Variants in ACER3 observed in about 807,000 individuals in gnomAD.
ACER3 encodes alkCDase 3.
ACER3 carries 16 observed loss-of-function variants against 48.9 expected under a neutral mutation model. That is an observed-to-expected ratio of 0.33 (90% CI 0.22 to 0.50). ACER3 has a LOEUF of 0.50. ACER3 is among the 20% of genes least tolerant of loss of function. The pLI is 0.98. For synonymous variants in ACER3, 109 were observed against 107.8 expected, an observed-to-expected ratio of 1.01 and a Z score of -0.07; for missense variants, 227 against 326.0, an observed-to-expected ratio of 0.70 and a Z score of 2.34.
At chr11:76,899,007 A>G (rs1356392436) in intron 1 of ACER3, among the ~76,000 whole-genome samples, 4 of 152,010 alleles carry the variant, frequency 2.6e-5, no homozygotes, top group East Asian at 1.9e-4. Flanking sequence ...TTTTTCAACA[A>G]CTAGATCTGA....
At chr11:76,916,594 G>A (rs980709953) in intron 1 of ACER3, among the ~76,000 whole-genome samples, 12 of 152,196 alleles carry the variant, frequency 7.9e-5, no homozygotes, top group African/African-American at 2.4e-4. Context: ...TTCACCAAAT[G>A]TAGGTAGGAT....
intron 2 of ACER3, among the ~76,000 whole-genome samples, chr11:76,933,173 CATATAT>C (rs144524712): frequency 3.1e-5 from 4 of 129,598 alleles, no homozygotes; most frequent in African/African-American, 1.1e-4. Flanking sequence ...ATACGTATTT[CATATAT>C]ATATATATAT....
chr11:76,911,706 A>G (rs1368986027), intron 1 of ACER3, among the ~76,000 whole-genome samples: 1 of 152,160 alleles, frequency 6.6e-6, no homozygotes, highest in Non-Finnish European at 1.5e-5. Context: ...GCTTTCTCTC[A>G]TTCCTTATAT....
rs375062669 is a variant in ACER3, at chr11:76,926,511, G to A, written c.104-46G>A. 1.6e-4 allele frequency: 176 copies of A among 1,124,276 alleles called. 1 individual carries two copies. The African/African-American group carries it at 2.4e-3, about 15-fold the overall frequency. 69.6% of individuals were successfully genotyped at this position (1,124,276 alleles called of 1,614,324 possible). A position where few individuals can be genotyped will look rare whatever the true frequency, so the allele number is the denominator to read the frequency against. ...CTACGTGAATGTATCTTTATTTAAA[G>A]TGTTATTGATTAACCTAAATGTCTT... On this transcript the variant is annotated intron_variant, in intron 1 of 10. Transcript: ENST00000532485.
intron 7 of ACER3, among the ~76,000 whole-genome samples, chr11:77,003,628 G>A (rs1949077963): frequency 6.6e-6 from 1 of 151,960 alleles, no homozygotes; most frequent in Non-Finnish European, 1.5e-5. Flanking sequence ...AGGTTCTTGA[G>A]ATGGAAGCTT....
chr11:76,980,678 C>CA (rs1311383782), intron 4 of ACER3, among the ~76,000 whole-genome samples: 32 of 144,076 alleles, frequency 2.2e-4, no homozygotes, highest in Non-Finnish European at 3.2e-4. Context: ...GACCCTGTCT[C>CA]AAAAAAAAAA....
intron 6 of ACER3, among the ~76,000 whole-genome samples, chr11:76,997,992 G>A (rs1043578030): frequency 5.9e-5 from 9 of 152,164 alleles, no homozygotes; most frequent in Non-Finnish European, 1.3e-4. Context: ...TACAAGTCAG[G>A]AGAGTGGTTT....
chr11:76,900,837 T>G (rs940315093), intron 1 of ACER3, among the ~76,000 whole-genome samples: 1 of 152,314 alleles, frequency 6.6e-6, no homozygotes, highest in African/African-American at 2.4e-5. Flanking sequence ...AGGTATTTAA[T>G]TTCTCCAAGG....
intron 1 of ACER3, among the ~76,000 whole-genome samples, chr11:76,875,631 G>C (rs1945353091): frequency 6.8e-6 from 1 of 147,550 alleles, no homozygotes; most frequent in African/African-American, 2.5e-5. Context: ...ACATCTGTTT[G>C]CTTTCCTCTA....
intron 1 of ACER3, among the ~76,000 whole-genome samples, chr11:76,878,875 G>A (rs754865524): frequency 2.6e-5 from 4 of 151,948 alleles, no homozygotes; most frequent in Non-Finnish European, 5.9e-5. Flanking sequence ...GTGTGTAGTG[G>A]TATCTCATTG....
intron 2 of ACER3, among the ~76,000 whole-genome samples, chr11:76,940,742 C>T (rs765227635): frequency 5.3e-5 from 8 of 152,090 alleles, no homozygotes; most frequent in African/African-American, 1.4e-4. Context: ...GTATGTGGTA[C>T]TGTCATAATC....
rs781982280 is a variant in ACER3 at position 76,998,786 on chromosome 11, T to C, written c.462T>C (p.Phe154=). The change falls in exon 7 of 11, where the codon TTT becomes TTC. Residue 154 remains phenylalanine (F), a synonymous_variant. Transcript: ENST00000532485. ...AGGTCATGTATGGAATGTTGGTCTT[T>C]ACATTAGTACTTCGATCTATTTATA... ...FHQVMYGMLV[F]TLVLRSIYIV... 3 of 1,598,634 alleles carry C rather than the reference T, an allele frequency of 1.9e-6. No homozygotes were observed. The highest frequency in any genetic ancestry group is 2.6e-6 in the Non-Finnish European group (3 of 1,174,256).
At position 77,017,978 on chromosome 11, in the gene ACER3, C is replaced by A. The variant is rs181949071; in HGVS notation, c.704+1199C>A. On this transcript the variant is annotated intron_variant, in intron 9 of 10. Coordinates refer to ENST00000532485, the MANE Select transcript of ACER3 (RefSeq NM_018367.7). ...TTTTTTTTTTGGGAGACAGAGTCTC[C>A]CCCAAGCTGGAGTGCAGTGGCACTA... Among the ~76,000 whole-genome samples the A allele has an allele frequency of 5.5e-5, 8 of 146,034 alleles. No homozygotes were observed. In the South Asian group the frequency reaches 6.8e-4, roughly 12 times the overall value.
At chr11:76,893,363 C>T (rs1224101083) in intron 1 of ACER3, among the ~76,000 whole-genome samples, 2 of 151,946 alleles carry the variant, frequency 1.3e-5, no homozygotes, top group African/African-American at 2.4e-5. Context: ...AAGCAAGACC[C>T]CATCTCTAAA....
chr11:76,878,580 T>C (rs1156545903), intron 1 of ACER3, among the ~76,000 whole-genome samples: 4 of 152,126 alleles, frequency 2.6e-5, no homozygotes, highest in Admixed American at 2.6e-4. Context: ...TGTTTTCCTA[T>C]TGACAGATAC....
At position 76,896,926 on chromosome 11, in the gene ACER3, T is replaced by TTG. The variant is rs1565164427; in HGVS notation, c.104-29630_104-29629insGT. On this transcript the variant is annotated intron_variant, in intron 1 of 10. Transcript: ENST00000532485. ...TATATGTAGTTGTTGAAGGGAGTTT[T>TTG]TTGTTGTTGTTGTTGTTGTTGTTGG... 3.2e-3 allele frequency among the ~76,000 whole-genome samples: 480 copies of TTG among 151,764 alleles called. 4 individuals carry two copies. The highest frequency in any genetic ancestry group is 0.011 in the African/African-American group (453 of 41,210).
chr11:76,939,589 C>T lies in ACER3; in HGVS notation c.214+12922C>T, dbSNP rs372235869. On this transcript the variant is annotated intron_variant, in intron 2 of 10. Coordinates refer to ENST00000532485, the MANE Select transcript of ACER3 (RefSeq NM_018367.7). The stretch of plus-strand genomic sequence containing the variant: ...CTAGCCTGGGTGACAGAGTGAGATG[C>T]TATCTCTAAAAACAAACAAACAAAA... 6.6e-5 allele frequency among the ~76,000 whole-genome samples: 10 copies of T among 152,196 alleles called. No homozygotes were observed. The East Asian group carries it at 1.7e-3, about 26-fold the overall frequency.
chr11:76,930,351 T>C (rs1369641375), intron 2 of ACER3, among the ~76,000 whole-genome samples: 3 of 152,016 alleles, frequency 2.0e-5, no homozygotes, highest in Admixed American at 2.0e-4. Context: ...TTGATTCTTC[T>C]CTCTTTTCTT....
Position 77,016,660 on chromosome 11 carries a change from C to A in ACER3, c.600-15C>A. ...TTTAAAAATTTAACGTGATTTTCTC[C>A]CTCTCTCCACACAGGAACTTTCGAA... On this transcript the variant is annotated splice_polypyrimidine_tract_variant and intron_variant, in intron 8 of 10. Coordinates refer to ENST00000532485, the MANE Select transcript of ACER3 (RefSeq NM_018367.7). 16 of 1,385,754 alleles carry A rather than the reference C, an allele frequency of 1.2e-5. No individual in the cohort carries two copies. The highest frequency in any genetic ancestry group is 1.6e-5 in the Non-Finnish European group (16 of 1,000,988). The allele number at this position is 1,385,754 out of a possible 1,614,324, so 85.8% of individuals were successfully genotyped here.
Sources: allele counts gnomAD v4.1 joint callset (sites outside exome capture counted in the v4.1 genomes callset), GRCh38; gene constraint gnomAD v4.1.1; transcripts MANE v1.5; gene names NCBI Gene and HGNC (gene_info 2026-07-23, HGNC 2026-07-21).